ST6GALNAC5: variants seen among roughly 807,000 people sequenced by gnomAD.
The protein encoded by ST6GALNAC5 is alpha-N-acetylgalactosaminide alpha-2,6-sialyltransferase 5.
Under a neutral mutation model 33.6 loss-of-function variants are expected in ST6GALNAC5, and 27 were observed. That is an observed-to-expected ratio of 0.80 (90% CI 0.59 to 1.11). The LOEUF (loss-of-function observed/expected upper bound fraction) is 1.11. Among genes scored for constraint, ST6GALNAC5 ranks in the 50% least tolerant of loss-of-function variants. The pLI, the probability that ST6GALNAC5 is intolerant of heterozygous loss-of-function variation, is 0.00. For missense variants in ST6GALNAC5, 428 were observed against 454.0 expected (o/e 0.94, Z 0.52); for synonymous variants, 194 against 171.2 (o/e 1.13, Z -1.04).
chr1:76,897,360 T>G (rs140234984), intron 2 of ST6GALNAC5, among the ~76,000 whole-genome samples: 8,561 of 152,174 alleles, frequency 0.056, 641 homozygotes, highest in African/African-American at 0.17. Flanking sequence ...GGTTGATAAG[T>G]CATAGATCCT....
chr1:77,052,068 A>G (rs1652238081), intron 4 of ST6GALNAC5, among the ~76,000 whole-genome samples: 1 of 152,226 alleles, frequency 6.6e-6, no homozygotes, highest in Admixed American at 6.5e-5. Context: ...AGAAATTAAG[A>G]TAATGTCAAT....
At chr1:77,050,179 C>T (rs1259674198) in intron 3 of ST6GALNAC5, 79 bp from the exon 4 acceptor site, 3 of 1,222,776 alleles carry the variant, frequency 2.5e-6, no homozygotes, top group East Asian at 2.4e-5. Flanking sequence ...GTTAGCCTTA[C>T]TCTAGGAAAG....
chr1:77,062,931 A>G (rs766774351), intron 4 of ST6GALNAC5, 44 bp from the exon 5 acceptor site: 1 of 1,555,310 alleles, frequency 6.4e-7, no homozygotes, highest in East Asian at 2.3e-5. Context: ...CAAAGGAAAA[A>G]AAATTTTTTT....
chr1:76,983,742 A>C (rs566242444), intron 2 of ST6GALNAC5, among the ~76,000 whole-genome samples: 46 of 152,350 alleles, frequency 3.0e-4, no homozygotes, highest in African/African-American at 6.7e-4. Context: ...TTATTCCAAA[A>C]TTGACCACAT....
chr1:76,887,431 A>G (rs927155313), intron 2 of ST6GALNAC5, among the ~76,000 whole-genome samples: 1 of 152,186 alleles, frequency 6.6e-6, no homozygotes, highest in South Asian at 2.1e-4. Flanking sequence ...TAAAATAGCC[A>G]TTAAGATTTC....
intron 2 of ST6GALNAC5, among the ~76,000 whole-genome samples, chr1:76,906,498 A>G (rs371846664): frequency 3.3e-5 from 5 of 152,352 alleles, no homozygotes; most frequent in African/African-American, 1.2e-4. Context: ...GAAACTCTGT[A>G]TAAGATGGAA....
intron 2 of ST6GALNAC5, among the ~76,000 whole-genome samples, chr1:76,900,386 C>T (rs1298287302): frequency 1.3e-5 from 2 of 152,090 alleles, no homozygotes; most frequent in Non-Finnish European, 2.9e-5. Flanking sequence ...AGAGGCCTGA[C>T]ATTATCATTC....
At chr1:76,973,675 C>A (rs906670546) in intron 2 of ST6GALNAC5, among the ~76,000 whole-genome samples, 3 of 152,114 alleles carry the variant, frequency 2.0e-5, no homozygotes, top group African/African-American at 7.2e-5. Context: ...GATCCACCCC[C>A]ACTCCAAAGT....
intron 2 of ST6GALNAC5, among the ~76,000 whole-genome samples, chr1:76,883,834 G>C (rs186774412): frequency 2.6e-5 from 4 of 152,262 alleles, no homozygotes; most frequent in Admixed American, 2.6e-4. Flanking sequence ...AGGAAGCAAG[G>C]AACAATGAAT....
At chr1:76,885,422 G>A (rs138721464) in intron 2 of ST6GALNAC5, among the ~76,000 whole-genome samples, 2 of 152,138 alleles carry the variant, frequency 1.3e-5, no homozygotes, top group Admixed American at 6.5e-5. Context: ...GTACATGAAT[G>A]TATTTTCATA....
intron 2 of ST6GALNAC5, among the ~76,000 whole-genome samples, chr1:76,897,479 C>A (rs1440352228): frequency 6.6e-6 from 1 of 152,120 alleles, no homozygotes; most frequent in African/African-American, 2.4e-5. Context: ...TGATAACAGG[C>A]TTTAACCCTT....
At chr1:77,049,824 G>A (rs1652160938) in intron 3 of ST6GALNAC5, among the ~76,000 whole-genome samples, 1 of 152,172 alleles carries the variant, frequency 6.6e-6, no homozygotes, top group South Asian at 2.1e-4. Context: ...ATAAATACAT[G>A]TGAATGTTTA....
chr1:77,028,354 A>G (rs920983501), intron 2 of ST6GALNAC5, among the ~76,000 whole-genome samples: 6 of 152,210 alleles, frequency 3.9e-5, no homozygotes, highest in Admixed American at 3.3e-4. Flanking sequence ...GAGGTTGGAA[A>G]AATGATCAGA....
intron 4 of ST6GALNAC5, among the ~76,000 whole-genome samples, chr1:77,053,634 T>TA (rs1652299602): frequency 6.6e-6 from 1 of 152,146 alleles, no homozygotes; most frequent in Non-Finnish European, 1.5e-5. Flanking sequence ...TCAGAAGCCT[T>TA]ACCCACAAAA....
chr1:76,981,967 A>T (rs1240454547), intron 2 of ST6GALNAC5, among the ~76,000 whole-genome samples: 13 of 152,216 alleles, frequency 8.5e-5, no homozygotes, highest in Admixed American at 8.5e-4. Context: ...TAGCATCAAC[A>T]TCAACAAAAA....
intron 2 of ST6GALNAC5, among the ~76,000 whole-genome samples, chr1:76,913,147 G>A (rs1372518545): frequency 2.0e-5 from 3 of 151,654 alleles, no homozygotes; most frequent in African/African-American, 7.3e-5. Flanking sequence ...TTGCTTGTCT[G>A]TAAAGGATTT....
intron 2 of ST6GALNAC5, among the ~76,000 whole-genome samples, chr1:77,015,193 A>T (rs149164609): frequency 5.7e-4 from 87 of 152,336 alleles, no homozygotes; most frequent in African/African-American, 2.1e-3. Flanking sequence ...AGGGTAAATC[A>T]GTCCAACCTG....
At chr1:77,059,773 C>A (rs1652516546) in intron 4 of ST6GALNAC5, among the ~76,000 whole-genome samples, 1 of 152,072 alleles carries the variant, frequency 6.6e-6, no homozygotes. Flanking sequence ...GGATGGTTTC[C>A]TAGTCCCTCA....
intron 2 of ST6GALNAC5, among the ~76,000 whole-genome samples, chr1:76,972,162 C>T (rs539494695): frequency 1.9e-4 from 29 of 152,176 alleles, no homozygotes; most frequent in Non-Finnish European, 2.9e-4. Context: ...TGGTGGAAGG[C>T]GAAGGAGGAG....
Sources: allele counts gnomAD v4.1 joint callset (sites outside exome capture counted in the v4.1 genomes callset), GRCh38; gene constraint gnomAD v4.1.1; transcripts MANE v1.5; gene names NCBI Gene and HGNC (gene_info 2026-07-23, HGNC 2026-07-21).